NOP58: variants seen among roughly 807,000 people sequenced by gnomAD.
The protein encoded by NOP58 is NOP58 ribonucleoprotein, also known as nucleolar protein 58.
In NOP58, 44 loss-of-function variants were observed where a neutral mutation model predicts 71.2. The ratio of observed to expected loss-of-function variants is 0.62; its 90% CI spans 0.49 to 0.79. The LOEUF (loss-of-function observed/expected upper bound fraction) is 0.79. Among genes scored for constraint, NOP58 ranks in the 30% least tolerant of loss-of-function variants. The probability of loss-of-function intolerance (pLI) is 0.00; values close to 1 mark genes in which losing one functional copy is unlikely to be tolerated. For missense variants in NOP58, 538 were observed against 620.2 expected (o/e 0.87, Z 1.41); for synonymous variants, 228 against 200.3 (o/e 1.14, Z -1.17).
chr2:202,270,193 G>A (rs1365562880), intron 1 of NOP58, among the ~76,000 whole-genome samples: 1 of 152,154 alleles, frequency 6.6e-6, no homozygotes, highest in African/African-American at 2.4e-5. Context: ...AGTTAGTCCT[G>A]CTCTAGACAA....
intron 9 of NOP58, among the ~76,000 whole-genome samples, chr2:202,295,463 C>T (rs1425640352): frequency 6.6e-6 from 1 of 152,092 alleles, no homozygotes; most frequent in East Asian, 1.9e-4. Flanking sequence ...TTCAGTTTGT[C>T]CTAGGCATTC....
intron 1 of NOP58, among the ~76,000 whole-genome samples, chr2:202,274,748 C>T (rs925671905): frequency 2.0e-5 from 3 of 151,880 alleles, no homozygotes; most frequent in Non-Finnish European, 4.4e-5. Context: ...GGCTACAGAG[C>T]GAGACTCCAT....
chr2:202,272,045 T>G (rs1265972075), intron 1 of NOP58, among the ~76,000 whole-genome samples: 1 of 152,174 alleles, frequency 6.6e-6, no homozygotes, highest in East Asian at 1.9e-4. Flanking sequence ...GACGCAGTTC[T>G]AGTCTGGTTA....
chr2:202,282,295 G>A, intron 3 of NOP58, 56 bp from the exon 4 acceptor site: 1 of 1,511,708 alleles, frequency 6.6e-7, no homozygotes, highest in Non-Finnish European at 8.9e-7. Context: ...CTAGGGCAAG[G>A]TCTCAAAGTT....
At chr2:202,266,909 C>G (rs542541634) in intron 1 of NOP58, among the ~76,000 whole-genome samples, 6 of 152,130 alleles carry the variant, frequency 3.9e-5, no homozygotes, top group Non-Finnish European at 7.4e-5. Flanking sequence ...GCGAAGCTTG[C>G]GTTGTCTATT....
chr2:202,283,174 C>T (rs1428799832), intron 4 of NOP58, among the ~76,000 whole-genome samples: 1 of 152,202 alleles, frequency 6.6e-6, no homozygotes, highest in Non-Finnish European at 1.5e-5. Flanking sequence ...AATCCTCCCT[C>T]TTCAGTAGCT....
intron 1 of NOP58, among the ~76,000 whole-genome samples, chr2:202,272,655 G>C (rs1367605219): frequency 1.3e-5 from 2 of 152,152 alleles, no homozygotes; most frequent in African/African-American, 2.4e-5. Context: ...TGACTATACT[G>C]AAAACACTGA....
intron 13 of NOP58, among the ~76,000 whole-genome samples, chr2:202,300,859 C>T (rs556762855): frequency 3.5e-4 from 54 of 152,244 alleles, no homozygotes; most frequent in Admixed American, 2.8e-3. Flanking sequence ...GATAAGCAGG[C>T]GCCCCATTAT....
chr2:202,289,780 G>A (rs1291017763), intron 6 of NOP58, among the ~76,000 whole-genome samples: 1 of 152,118 alleles, frequency 6.6e-6, no homozygotes, highest in Non-Finnish European at 1.5e-5. Flanking sequence ...AAGATAACTA[G>A]AGGTTGGGGG....
chr2:202,298,674 T>C (rs959413840), intron 12 of NOP58, among the ~76,000 whole-genome samples: 1 of 152,120 alleles, frequency 6.6e-6, no homozygotes, highest in Non-Finnish European at 1.5e-5. Context: ...AGAAACCTAT[T>C]TTGTAAAAAG....
Position 202,265,802 on chromosome 2 carries a change from C to G in NOP58, c.-140C>G, listed in dbSNP as rs1285139631. 5.9e-6 allele frequency: 5 copies of G among 848,576 alleles called. No individual in the cohort carries two copies. Among genetic ancestry groups the G allele is most frequent in the Admixed American group, 5.9e-5 (3 of 50,998 alleles). The allele number at this position is 848,576 out of a possible 1,614,324, so 52.6% of individuals were successfully genotyped here. On this transcript the variant is annotated 5_prime_UTR_variant, in exon 1 of 15. Coordinates refer to ENST00000264279, the MANE Select transcript of NOP58 (RefSeq NM_015934.5). ...GCGTGGAGGGTTTAGGCAGCGTGTTCTGATTCTTTGCGGGACGGCGAGCGC... is the reference window on the plus strand; with the variant it reads ...GCGTGGAGGGTTTAGGCAGCGTGTTGTGATTCTTTGCGGGACGGCGAGCGC...
rs147837954 is a variant in NOP58, at chr2:202,284,441, C to T, written c.394C>T (p.Pro132Ser). ...QMDGLIPGVE[P>S]REMAAMCLGL... ...GGATGGATTAATCCCTGGGGTAGAA[C>T]CACGTGAAATGGCAGCTATGTGTCT... is the stretch of plus-strand genomic sequence containing the variant. The change falls in exon 5 of 15, where the codon CCA (proline) becomes TCA (serine). Residue 132 changes from proline to serine, a missense_variant. Transcript: ENST00000264279. 3.1e-5 allele frequency: 50 copies of T among 1,613,886 alleles called. No homozygotes were observed. In the African/African-American group the frequency reaches 5.1e-4, roughly 16 times the overall value.
intron 1 of NOP58, among the ~76,000 whole-genome samples, chr2:202,269,462 T>C (rs1688478227): frequency 1.3e-5 from 2 of 152,132 alleles, no homozygotes; most frequent in Admixed American, 1.3e-4. Context: ...CTTATGTGTT[T>C]AGAGCGATTC....
At chr2:202,299,084 C>T (rs940369539) in intron 12 of NOP58, among the ~76,000 whole-genome samples, 1 of 151,210 alleles carries the variant, frequency 6.6e-6, no homozygotes, top group Non-Finnish European at 1.5e-5. Flanking sequence ...CTCAGCCTCC[C>T]GAGTAGCTAG....
chr2:202,276,866 C>T (rs1688601010), intron 2 of NOP58, among the ~76,000 whole-genome samples: 2 of 151,540 alleles, frequency 1.3e-5, no homozygotes, highest in Admixed American at 6.6e-5. Flanking sequence ...GGGCCGGGCA[C>T]GGTGGCTCAC....
intron 1 of NOP58, among the ~76,000 whole-genome samples, chr2:202,270,964 G>A (rs1410966834): frequency 2.6e-5 from 4 of 151,456 alleles, no homozygotes; most frequent in Non-Finnish European, 2.9e-5. Flanking sequence ...GGTGTGTGTC[G>A]CCAAATCTGT....
At chr2:202,268,407 C>T (rs552342773) in intron 1 of NOP58, among the ~76,000 whole-genome samples, 55 of 151,364 alleles carry the variant, frequency 3.6e-4, no homozygotes, top group Non-Finnish European at 7.5e-4. Context: ...TGGTGGTGTG[C>T]GCCTGTAATC....
At position 202,282,482 on chromosome 2, in the gene NOP58, C is replaced by T. The variant is rs895802445; in HGVS notation, c.297+10C>T. 10 of 1,602,046 alleles carry T rather than the reference C, an allele frequency of 6.2e-6. No individual in the cohort carries two copies. The highest frequency in any genetic ancestry group is 1.4e-5 in the African/African-American group (1 of 74,028). On this transcript the variant is annotated intron_variant, in intron 4 of 14. Coordinates refer to ENST00000264279, the MANE Select transcript of NOP58 (RefSeq NM_015934.5). ...AGGAGGGGTCATAAAGGTAAAGTCA[C>T]GATATTTTTGGTCATGCCTGCTAGT...
At chr2:202,284,602 A>C in intron 5 of NOP58, 121 bp downstream of exon 5, 1 of 1,054,780 alleles carries the variant, frequency 9.5e-7, no homozygotes, top group Non-Finnish European at 1.4e-6. Context: ...GAAGAAGATG[A>C]TAGTAATATC....
Sources: gnomAD v4.1 joint callset for allele counts (sites outside exome capture counted in the v4.1 genomes callset) on GRCh38, gnomAD v4.1.1 for gene constraint, MANE v1.5 for transcripts, NCBI Gene and HGNC (gene_info 2026-07-23, HGNC 2026-07-21) for gene names.